RTN1: variants seen among roughly 807,000 people sequenced by gnomAD.
The protein encoded by RTN1 is reticulon-1.
Under a neutral mutation model 65.5 loss-of-function variants are expected in RTN1, and 25 were observed. The ratio of observed to expected loss-of-function variants is 0.38; its 90% CI spans 0.28 to 0.53. The LOEUF is 0.53. RTN1 is among the 20% of genes least tolerant of loss of function. The pLI is 0.79. For synonymous variants in RTN1, 471 were observed against 447.6 expected (o/e 1.05, Z -0.66); for missense variants, 983 against 1,025.4 (o/e 0.96, Z 0.57).
At chr14:59,722,051 T>A (rs886693364) in intron 3 of RTN1, among the ~76,000 whole-genome samples, 15 of 152,224 alleles carry the variant, frequency 9.9e-5, no homozygotes, top group African/African-American at 3.6e-4. Context: ...GTGTATAATT[T>A]ATATATTTTT....
intron 3 of RTN1, among the ~76,000 whole-genome samples, chr14:59,609,915 T>C (rs1249769778): frequency 5.3e-5 from 8 of 152,210 alleles, no homozygotes; most frequent in African/African-American, 1.7e-4. Flanking sequence ...GTAATCTGTT[T>C]TATGATGCTC....
intron 1 of RTN1, among the ~76,000 whole-genome samples, chr14:59,760,679 C>G (rs1173408830): frequency 6.6e-6 from 1 of 152,326 alleles, no homozygotes; most frequent in East Asian, 1.9e-4. Flanking sequence ...GAACCTTCTT[C>G]ATCCTCTTCT....
intron 1 of RTN1, among the ~76,000 whole-genome samples, chr14:59,800,819 A>G (rs990177452): frequency 6.6e-6 from 1 of 152,226 alleles, no homozygotes; most frequent in African/African-American, 2.4e-5. Context: ...AGATTAAAAT[A>G]ACTACGATTA....
At chr14:59,710,393 T>C (rs1884393149) in intron 3 of RTN1, among the ~76,000 whole-genome samples, 1 of 152,178 alleles carries the variant, frequency 6.6e-6, no homozygotes, top group Non-Finnish European at 1.5e-5. Context: ...TCTGCAGCAT[T>C]CCAAGCTTGA....
intron 2 of RTN1, among the ~76,000 whole-genome samples, chr14:59,745,373 A>T (rs1885195471): frequency 6.6e-6 from 1 of 152,198 alleles, no homozygotes; most frequent in South Asian, 2.1e-4. Context: ...AGAAGCAGGC[A>T]GTACTGAATT....
Position 59,596,610 on chromosome 14 carries a change from T to C in RTN1, c.*135A>G. ...ACAAGGAACAGCCTAAAAACAGCTG[T>C]TTTAAGGTTTGTCTCTAAGATTATG... On this transcript the variant is annotated 3_prime_UTR_variant, in exon 9 of 9. Transcript: ENST00000267484. 1 of 730,668 alleles carries C rather than the reference T, an allele frequency of 1.4e-6. No homozygotes were observed. The highest frequency in any genetic ancestry group is 2.6e-5 in the East Asian group (1 of 38,864). The allele number at this position is 730,668 out of a possible 1,614,324, so 45.3% of individuals were successfully genotyped here. A position where few individuals can be genotyped will look rare whatever the true frequency, so the allele number is the denominator to read the frequency against.
chr14:59,853,870 T>TG (rs1887553858), intron 1 of RTN1, among the ~76,000 whole-genome samples: 1 of 150,178 alleles, frequency 6.7e-6, no homozygotes, highest in African/African-American at 2.4e-5. Context: ...TTACTTTTTT[T>TG]TTTTTTTTTT....
chr14:59,822,685 T>C (rs916463796), intron 1 of RTN1, among the ~76,000 whole-genome samples: 1 of 152,222 alleles, frequency 6.6e-6, no homozygotes, highest in African/African-American at 2.4e-5. Flanking sequence ...GCTTTAGCTG[T>C]ATCCCAGAGA....
intron 1 of RTN1, among the ~76,000 whole-genome samples, chr14:59,808,082 A>G (rs1886667986): frequency 6.6e-6 from 1 of 152,232 alleles, no homozygotes; most frequent in Non-Finnish European, 1.5e-5. Flanking sequence ...GAAAGACCAG[A>G]GACCAGGTCT....
intron 1 of RTN1, among the ~76,000 whole-genome samples, chr14:59,827,474 G>T (rs765603687): frequency 1.5e-4 from 23 of 152,144 alleles, no homozygotes; most frequent in Non-Finnish European, 2.9e-4. Context: ...AACGTGGGCA[G>T]ATCATTTTAT....
At chr14:59,732,540 G>A (rs777778024) in intron 2 of RTN1, among the ~76,000 whole-genome samples, 5 of 152,194 alleles carry the variant, frequency 3.3e-5, no homozygotes, top group Non-Finnish European at 7.3e-5. Context: ...AAGGGAAGCA[G>A]TGAGTGACTG....
At chr14:59,857,729 G>T (rs1039618462) in intron 1 of RTN1, among the ~76,000 whole-genome samples, 1 of 152,164 alleles carries the variant, frequency 6.6e-6, no homozygotes, top group Non-Finnish European at 1.5e-5. Flanking sequence ...CTATTCTACT[G>T]TCAGACTAAT....
At position 59,750,165 on chromosome 14, in the gene RTN1, TTA is replaced by T. The variant is rs1300011275; in HGVS notation, c.242-3686_242-3685del. 2.7e-4 allele frequency among the ~76,000 whole-genome samples: 20 copies of T among 73,678 alleles called. 1 individual carries two copies. The highest frequency in any genetic ancestry group is 1.3e-3 in the African/African-American group (18 of 14,030). The allele number at this position is 73,678 out of a possible 152,430, so 48.3% of individuals were successfully genotyped here. A position where few individuals can be genotyped will look rare whatever the true frequency, so the allele number is the denominator to read the frequency against. On this transcript the variant is annotated intron_variant, in intron 1 of 8. Coordinates refer to ENST00000267484, the MANE Select transcript of RTN1 (RefSeq NM_021136.3). ...ATATATATATTATAGATAATATATA[TTA>T]TATCTATAATATATAATACATATAT...
chr14:59,752,309 T>C (rs1295397488), intron 1 of RTN1, among the ~76,000 whole-genome samples: 2 of 152,116 alleles, frequency 1.3e-5, no homozygotes, highest in Non-Finnish European at 2.9e-5. Context: ...ACTTCCTACA[T>C]AGCCATCTTT....
chr14:59,844,693 C>G (rs1334241377), intron 1 of RTN1, among the ~76,000 whole-genome samples: 1 of 152,074 alleles, frequency 6.6e-6, no homozygotes, highest in African/African-American at 2.4e-5. Flanking sequence ...ACACCACAAA[C>G]TATACACTTA....
At chr14:59,753,007 G>C (rs1404682943) in intron 1 of RTN1, among the ~76,000 whole-genome samples, 1 of 152,164 alleles carries the variant, frequency 6.6e-6, no homozygotes, top group East Asian at 1.9e-4. Context: ...GACAACTGCA[G>C]AATTCCCTTC....
At chr14:59,819,269 T>A (rs1167296717) in intron 1 of RTN1, among the ~76,000 whole-genome samples, 1 of 151,686 alleles carries the variant, frequency 6.6e-6, no homozygotes, top group Non-Finnish European at 1.5e-5. Context: ...ATGGAAGGGG[T>A]TCCTAGGAGG....
At chr14:59,864,819 T>C (rs1887769831) in intron 1 of RTN1, among the ~76,000 whole-genome samples, 1 of 152,224 alleles carries the variant, frequency 6.6e-6, no homozygotes, top group Non-Finnish European at 1.5e-5. Flanking sequence ...ATGTATTTTC[T>C]ACCCACCCCC....
chr14:59,853,680 T>C (rs1191038546), intron 1 of RTN1, among the ~76,000 whole-genome samples: 2 of 152,068 alleles, frequency 1.3e-5, no homozygotes, highest in African/African-American at 2.4e-5. Flanking sequence ...GACTTAACAG[T>C]TATCATGTCA....
Sources: gnomAD v4.1 joint callset for allele counts (sites outside exome capture counted in the v4.1 genomes callset) on GRCh38, gnomAD v4.1.1 for gene constraint, MANE v1.5 for transcripts, NCBI Gene and HGNC (gene_info 2026-07-23, HGNC 2026-07-21) for gene names.